Variants in HMGCLL1 observed in about 807,000 individuals in gnomAD.
The protein encoded by HMGCLL1 is 3-hydroxymethyl-3-methylglutaryl-CoA lyase, cytoplasmic.
HMGCLL1 carries 36 observed loss-of-function variants against 39.1 expected under a neutral mutation model. The observed-to-expected ratio is 0.92, with a 90% CI of 0.71 to 1.22. HMGCLL1 has a LOEUF of 1.22. Among genes scored for constraint, HMGCLL1 ranks in the 50% most tolerant of loss-of-function variants. HMGCLL1 has a pLI of 0.00. For synonymous variants in HMGCLL1, 149 were observed against 144.0 expected (o/e 1.03, Z -0.25); for missense variants, 451 against 416.5 (o/e 1.08, Z -0.72).
intron 1 of HMGCLL1, among the ~76,000 whole-genome samples, chr6:55,554,121 TG>T (rs1215033418): frequency 3.3e-5 from 5 of 152,088 alleles, no homozygotes; most frequent in Non-Finnish European, 7.3e-5. Context: ...ATGCCATAAG[TG>T]AATACAGGGG....
chr6:55,441,857 A>AT (rs2127381920), intron 7 of HMGCLL1, among the ~76,000 whole-genome samples: 1 of 151,934 alleles, frequency 6.6e-6, no homozygotes, highest in Admixed American at 6.6e-5. Flanking sequence ...CACCTGGCTA[A>AT]TTTTTGTGTT....
intron 1 of HMGCLL1, among the ~76,000 whole-genome samples, chr6:55,553,680 G>A (rs140684559): frequency 1.3e-5 from 2 of 152,248 alleles, no homozygotes; most frequent in East Asian, 3.9e-4. Context: ...CTTCATCAAT[G>A]TTTGTTGCTT....
rs768745983 is a variant in HMGCLL1 at position 55,577,094 on chromosome 6, A to G, written c.108+1854T>C. On this transcript the variant is annotated intron_variant, in intron 1 of 8. Transcript: ENST00000274901. ...GATATTTACCCAGTGGATACAAGCC[A>G]CCGTGCCTGCCAAGGAGACTGAGAA... 7 of 1,613,516 alleles carry G rather than the reference A, an allele frequency of 4.3e-6. 1 individual carries two copies. The South Asian group carries it at 7.7e-5, about 18-fold the overall frequency.
At chr6:55,609,126 A>G in the HMGCLL1 span, among the ~76,000 whole-genome samples, 1 of 152,220 alleles carries the variant, frequency 6.6e-6, no homozygotes. Context: ...AGAGCCTTGC[A>G]GATTCTCAGC....
At chr6:55,631,440 G>A in the HMGCLL1 span, among the ~76,000 whole-genome samples, 2 of 151,946 alleles carry the variant, frequency 1.3e-5, no homozygotes, top group Non-Finnish European at 2.9e-5. Context: ...TCCCCAGAAT[G>A]AAAAATAATG....
intron 7 of HMGCLL1, among the ~76,000 whole-genome samples, chr6:55,488,609 C>G (rs953255940): frequency 1.5e-4 from 23 of 151,892 alleles, no homozygotes; most frequent in Non-Finnish European, 8.8e-5. Flanking sequence ...ATTATGCTCT[C>G]TATTGAAGAG....
At chr6:55,579,339 G>A, upstream of HMGCLL1, 2 of 512,382 alleles carry the variant, frequency 3.9e-6, no homozygotes, top group Non-Finnish European at 7.1e-6. Context: ...AGGATGTCCA[G>A]GGGTGTCTCA....
At chr6:55,635,909 A>G in the HMGCLL1 span, among the ~76,000 whole-genome samples, 1 of 152,232 alleles carries the variant, frequency 6.6e-6, no homozygotes, top group South Asian at 2.1e-4. Flanking sequence ...AGAGTTGAAC[A>G]CAGAAGCTGC....
the HMGCLL1 span, among the ~76,000 whole-genome samples, chr6:55,659,419 A>C: frequency 3.3e-5 from 5 of 151,964 alleles, no homozygotes; most frequent in African/African-American, 1.2e-4. Context: ...TGTCTCTCTG[A>C]AGGGCAAATT....
the HMGCLL1 span, among the ~76,000 whole-genome samples, chr6:55,671,804 A>T: frequency 6.6e-6 from 1 of 151,756 alleles, no homozygotes; most frequent in Non-Finnish European, 1.5e-5. Context: ...TGGTTGATAT[A>T]GTCCATTATT....
chr6:55,590,382 C>A, the HMGCLL1 span, among the ~76,000 whole-genome samples: 1 of 152,178 alleles, frequency 6.6e-6, no homozygotes, highest in South Asian at 2.1e-4. Flanking sequence ...CTTCCTCACA[C>A]CTTATATGAA....
intron 3 of HMGCLL1, among the ~76,000 whole-genome samples, chr6:55,532,710 A>G (rs1768753435): frequency 6.6e-6 from 1 of 151,784 alleles, no homozygotes; most frequent in African/African-American, 2.4e-5. Context: ...CTGAAGCAGG[A>G]GAATCGCTTG....
intron 3 of HMGCLL1, among the ~76,000 whole-genome samples, chr6:55,517,650 ATAGT>A (rs1363201743): frequency 1.3e-5 from 2 of 151,960 alleles, no homozygotes; most frequent in Non-Finnish European, 2.9e-5. Context: ...TTTTTAAAAC[ATAGT>A]TAAATACATT....
intron 7 of HMGCLL1, among the ~76,000 whole-genome samples, chr6:55,448,959 G>C (rs948823206): frequency 1.3e-5 from 2 of 152,080 alleles, no homozygotes; most frequent in Admixed American, 6.6e-5. Context: ...CTCATGCCTT[G>C]TTCAGTATTT....
At chr6:55,652,603 G>A in the HMGCLL1 span, among the ~76,000 whole-genome samples, 1 of 152,116 alleles carries the variant, frequency 6.6e-6, no homozygotes, top group African/African-American at 2.4e-5. Flanking sequence ...TGGTTTTTCA[G>A]ATAATTAGAC....
At chr6:55,451,155 T>A (rs1293189439) in intron 7 of HMGCLL1, among the ~76,000 whole-genome samples, 1 of 152,114 alleles carries the variant, frequency 6.6e-6, no homozygotes, top group African/African-American at 2.4e-5. Flanking sequence ...AACAATATTG[T>A]TCTGACAATA....
At chr6:55,625,368 A>G in the HMGCLL1 span, among the ~76,000 whole-genome samples, 1 of 152,076 alleles carries the variant, frequency 6.6e-6, no homozygotes, top group African/African-American at 2.4e-5. Flanking sequence ...AGGCAAAAGT[A>G]AGTTACATGA....
At chr6:55,510,060 T>A (rs1192642480) in intron 5 of HMGCLL1, among the ~76,000 whole-genome samples, 1 of 151,956 alleles carries the variant, frequency 6.6e-6, no homozygotes, top group Non-Finnish European at 1.5e-5. Flanking sequence ...TTGAAAAAAA[T>A]TCAACCAGTT....
the HMGCLL1 span, among the ~76,000 whole-genome samples, chr6:55,618,388 A>G: frequency 6.6e-6 from 1 of 152,088 alleles, no homozygotes; most frequent in Non-Finnish European, 1.5e-5. Context: ...GCAAATCATT[A>G]ATAAAATTAT....
Sources: allele counts gnomAD v4.1 joint callset (sites outside exome capture counted in the v4.1 genomes callset), GRCh38; gene constraint gnomAD v4.1.1; transcripts MANE v1.5; gene names NCBI Gene and HGNC (gene_info 2026-07-23, HGNC 2026-07-21).